Variants in TNNI3K observed in about 807,000 individuals in gnomAD.
TNNI3K encodes the protein serine/threonine-protein kinase TNNI3K.
TNNI3K carries 140 observed loss-of-function variants against 114.5 expected under a neutral mutation model. That is an observed-to-expected ratio of 1.22 (90% CI 1.07 to 1.41). The LOEUF is 1.41. TNNI3K is among the 40% of genes most tolerant of loss of function. The probability of loss-of-function intolerance (pLI) is 0.00; values close to 1 mark genes in which losing one functional copy is unlikely to be tolerated. For missense variants in TNNI3K, 1,125 were observed against 1,007.6 expected (o/e 1.12, Z -1.58); for synonymous variants, 347 against 347.5 (o/e 1.00, Z 0.02).
intron 7 of TNNI3K, among the ~76,000 whole-genome samples, chr1:74,338,355 T>G (rs2100432211): frequency 6.6e-6 from 1 of 152,214 alleles, no homozygotes; most frequent in South Asian, 2.1e-4. Context: ...TTTATTTTCT[T>G]AATTATAAAA....
At position 74,520,332 on chromosome 1, in the gene TNNI3K, C is replaced by A. The variant is rs370234820; in HGVS notation, c.2352-19902C>A. Among the ~76,000 whole-genome samples the A allele has an allele frequency of 2.6e-5, 4 of 152,256 alleles. No homozygotes were observed. The East Asian group carries it at 7.7e-4, about 29-fold the overall frequency. On this transcript the variant is annotated intron_variant, in intron 23 of 24. Coordinates refer to ENST00000326637, the MANE Select transcript of TNNI3K (RefSeq NM_015978.3). ...CACGTACAGAATTGAAGTGACCTCG[C>A]TTCCGACTTTTCTGAAGAATTTGAG... is the stretch of plus-strand genomic sequence containing the variant.
intron 5 of TNNI3K, among the ~76,000 whole-genome samples, chr1:74,293,178 T>C (rs1487386009): frequency 6.6e-6 from 1 of 151,740 alleles, no homozygotes; most frequent in Non-Finnish European, 1.5e-5. Context: ...TTTTATTAGA[T>C]ATTATTACTT....
intron 2 of TNNI3K, among the ~76,000 whole-genome samples, chr1:74,242,088 A>G (rs1654268385): frequency 6.6e-6 from 1 of 152,036 alleles, no homozygotes; most frequent in African/African-American, 2.4e-5. Flanking sequence ...TGACCTCGTG[A>G]TCTGCCCACC....
chr1:74,449,530 C>T (rs1277760480), intron 20 of TNNI3K, among the ~76,000 whole-genome samples: 2 of 151,924 alleles, frequency 1.3e-5, no homozygotes, highest in African/African-American at 2.4e-5. Flanking sequence ...CAGAGACACA[C>T]ATAGGCTCAA....
intron 20 of TNNI3K, among the ~76,000 whole-genome samples, chr1:74,453,810 C>T (rs1404580226): frequency 6.6e-6 from 1 of 152,162 alleles, no homozygotes; most frequent in Non-Finnish European, 1.5e-5. Context: ...TAAGAAATCA[C>T]GTGCTCTGAC....
At chr1:74,353,706 A>G (rs1373398690) in intron 10 of TNNI3K, among the ~76,000 whole-genome samples, 1 of 151,846 alleles carries the variant, frequency 6.6e-6, no homozygotes, top group South Asian at 2.1e-4. Flanking sequence ...AGATGCTAAC[A>G]TTTGTTCTTG....
chr1:74,364,686 C>G (rs574258506), intron 11 of TNNI3K, among the ~76,000 whole-genome samples: 1 of 151,896 alleles, frequency 6.6e-6, no homozygotes, highest in Non-Finnish European at 1.5e-5. Context: ...TCCCAGTGGG[C>G]TCATTGTAAT....
chr1:74,499,823 T>C (rs986005731), intron 23 of TNNI3K, among the ~76,000 whole-genome samples: 1 of 152,158 alleles, frequency 6.6e-6, no homozygotes, highest in Non-Finnish European at 1.5e-5. Flanking sequence ...TTAATATCTT[T>C]TAGTAAGAGT....
intron 2 of TNNI3K, among the ~76,000 whole-genome samples, chr1:74,246,042 C>A (rs1398939123): frequency 6.6e-6 from 1 of 152,182 alleles, no homozygotes; most frequent in Non-Finnish European, 1.5e-5. Context: ...TAACTCACTT[C>A]TATCAGCAAT....
intron 16 of TNNI3K, 50 bp from the exon 17 acceptor site, chr1:74,370,238 A>T (rs1257894564): frequency 2.0e-6 from 3 of 1,476,334 alleles, no homozygotes; most frequent in Admixed American, 4.3e-5. Flanking sequence ...TGCTTTTTTG[A>T]TATTCGTTTT....
chr1:74,382,584 A>G (rs1016886617), intron 17 of TNNI3K, among the ~76,000 whole-genome samples: 1 of 152,308 alleles, frequency 6.6e-6, no homozygotes, highest in South Asian at 2.1e-4. Context: ...TTTCTGAAAG[A>G]TGCAGTGTTT....
intron 19 of TNNI3K, chr1:74,438,938 T>A (rs1403606530): frequency 2.0e-5 from 3 of 151,990 alleles, no homozygotes; most frequent in Non-Finnish European, 1.5e-5. Context: ...CATAGGAATA[T>A]TCTAGGAACT....
intron 2 of TNNI3K, among the ~76,000 whole-genome samples, chr1:74,244,086 A>G (rs1209693820): frequency 4.6e-5 from 7 of 152,170 alleles, no homozygotes; most frequent in African/African-American, 1.7e-4. Flanking sequence ...CAAAACAGAA[A>G]CGTTTGACTA....
chr1:74,429,092 A>G (rs552867545), intron 17 of TNNI3K, among the ~76,000 whole-genome samples: 4 of 152,218 alleles, frequency 2.6e-5, no homozygotes, highest in African/African-American at 9.6e-5. Context: ...CAGTTACCAC[A>G]TAATATACAT....
chr1:74,362,477 A>G (rs1662020316), intron 11 of TNNI3K, among the ~76,000 whole-genome samples: 1 of 151,468 alleles, frequency 6.6e-6, no homozygotes, highest in African/African-American at 2.4e-5. Context: ...ATTTACCACT[A>G]ATCTCCAGAT....
At chr1:74,281,707 T>C (rs1387350007) in intron 5 of TNNI3K, among the ~76,000 whole-genome samples, 3 of 152,160 alleles carry the variant, frequency 2.0e-5, no homozygotes, top group Non-Finnish European at 4.4e-5. Context: ...TAGTTTGTTA[T>C]AGTGTGTGTA....
intron 17 of TNNI3K, among the ~76,000 whole-genome samples, chr1:74,410,196 A>G (rs1362963250): frequency 6.6e-6 from 1 of 152,180 alleles, no homozygotes; most frequent in Non-Finnish European, 1.5e-5. Flanking sequence ...CAATAAAGGA[A>G]GTTTCTATTT....
intron 5 of TNNI3K, among the ~76,000 whole-genome samples, chr1:74,272,925 A>T (rs1333605930): frequency 1.6e-4 from 24 of 151,922 alleles, no homozygotes; most frequent in Admixed American, 1.6e-3. Flanking sequence ...GTCACACTCT[A>T]TCAATTGTGG....
intron 5 of TNNI3K, among the ~76,000 whole-genome samples, chr1:74,310,668 CCATA>C (rs1325785416): frequency 1.3e-5 from 2 of 152,018 alleles, no homozygotes; most frequent in Non-Finnish European, 2.9e-5. Flanking sequence ...AAGAATAAAA[CCATA>C]CACTTACAAT....
Sources: allele counts gnomAD v4.1 joint callset (sites outside exome capture counted in the v4.1 genomes callset), GRCh38; gene constraint gnomAD v4.1.1; transcripts MANE v1.5; gene names NCBI Gene and HGNC (gene_info 2026-07-23, HGNC 2026-07-21).